IL1RAPL1: variants seen among roughly 807,000 people sequenced by gnomAD.
IL1RAPL1 encodes the protein interleukin-1 receptor accessory protein-like 1.
IL1RAPL1 carries 3 observed loss-of-function variants against 48.4 expected under a neutral mutation model. The ratio of observed to expected loss-of-function variants is 0.06; its 90% CI spans 0.03 to 0.16. IL1RAPL1 has a LOEUF of 0.16. Among genes scored for constraint, IL1RAPL1 ranks in the 10% least tolerant of loss-of-function variants. The probability of loss-of-function intolerance (pLI) is 1.00; values close to 1 mark genes in which losing one functional copy is unlikely to be tolerated. For missense variants in IL1RAPL1, 349 were observed against 530.6 expected, an observed-to-expected ratio of 0.66 and a Z score of 3.36; for synonymous variants, 185 against 187.7, an observed-to-expected ratio of 0.99 and a Z score of 0.12.
intron 2 of IL1RAPL1, among the ~76,000 whole-genome samples, chrX:29,221,942 G>A (rs1422461109): frequency 4.7e-5 from 5 of 105,601 alleles, no homozygotes; most frequent in Non-Finnish European, 7.8e-5. Context: ...CCCAGGAGGC[G>A]GAGGTTGCAG....
intron 3 of IL1RAPL1, among the ~76,000 whole-genome samples, chrX:29,354,578 C>A (rs2147655065): frequency 8.9e-6 from 1 of 112,074 alleles, no homozygotes; most frequent in Admixed American, 9.5e-5. Context: ...TGACTGGGAA[C>A]TATGTCTCAC....
intron 6 of IL1RAPL1, among the ~76,000 whole-genome samples, chrX:29,835,843 T>C (rs2060039174): frequency 9.2e-6 from 1 of 108,200 alleles, no homozygotes; most frequent in African/African-American, 3.4e-5. Context: ...TCAATTGTAA[T>C]GTCTCCTTTT....
chrX:28,715,541 T>C (rs1336924767), intron 1 of IL1RAPL1, among the ~76,000 whole-genome samples: 1 of 110,821 alleles, frequency 9.0e-6, no homozygotes, highest in Non-Finnish European at 1.9e-5. Flanking sequence ...CATCAGAAAA[T>C]ATTACAAATA....
intron 6 of IL1RAPL1, among the ~76,000 whole-genome samples, chrX:29,835,461 G>A (rs1448920384): frequency 1.8e-5 from 2 of 111,855 alleles, no homozygotes; most frequent in Admixed American, 9.5e-5. Context: ...AGATAATTGC[G>A]TGTAGTTTTC....
chrX:29,722,621 C>A (rs994454980), intron 6 of IL1RAPL1, among the ~76,000 whole-genome samples: 2 of 111,540 alleles, frequency 1.8e-5, no homozygotes, highest in Non-Finnish European at 3.8e-5. Flanking sequence ...ATTTTGACAT[C>A]TCTGTTCTTT....
chrX:29,919,833 T>G (rs1271043217), intron 7 of IL1RAPL1, 116 bp from the exon 8 acceptor site: 2 of 725,641 alleles, frequency 2.8e-6, no homozygotes, highest in African/African-American at 4.2e-5. Flanking sequence ...ATAGCCAAAT[T>G]AGAAGCACAG....
intron 2 of IL1RAPL1, among the ~76,000 whole-genome samples, chrX:28,790,165 G>C (rs1349293458): frequency 8.9e-6 from 1 of 112,042 alleles, no homozygotes; most frequent in Non-Finnish European, 1.9e-5. Flanking sequence ...CATAATTTTT[G>C]AAGTTATAGC....
intron 5 of IL1RAPL1, among the ~76,000 whole-genome samples, chrX:29,522,532 C>T (rs986319170): frequency 1.8e-5 from 2 of 111,804 alleles, no homozygotes; most frequent in Non-Finnish European, 3.8e-5. Flanking sequence ...AATTAACTCC[C>T]TGTTACAGAC....
chrX:29,246,625 C>T (rs1285557092), intron 2 of IL1RAPL1, among the ~76,000 whole-genome samples: 1 of 111,841 alleles, frequency 8.9e-6, no homozygotes. Context: ...ACCAACCCAT[C>T]AGAGAATACT....
intron 2 of IL1RAPL1, among the ~76,000 whole-genome samples, chrX:28,835,004 A>T (rs1921169270): frequency 8.9e-6 from 1 of 111,898 alleles, no homozygotes; most frequent in African/African-American, 3.2e-5. Context: ...TACCCCACAT[A>T]GAGGTCATTT....
At chrX:29,705,325 G>A (rs962964178) in intron 6 of IL1RAPL1, among the ~76,000 whole-genome samples, 3 of 111,050 alleles carry the variant, frequency 2.7e-5, no homozygotes, top group Admixed American at 9.6e-5. Context: ...AGTGATTCTC[G>A]TTCCTCAGCC....
At position 29,127,123 on chromosome X, in the gene IL1RAPL1, T is replaced by G. The variant is rs749951358; in HGVS notation, c.83-155815T>G. The stretch of plus-strand genomic sequence containing the variant: ...CAGAGCGTTTTATAACAACCTGCTG[T>G]TGGTGGTGGTGGTGGTGGTTTTGTT... On this transcript the variant is annotated intron_variant, in intron 2 of 10. Transcript: ENST00000378993. Among the ~76,000 whole-genome samples, 6 of 110,945 alleles carry G rather than the reference T, an allele frequency of 5.4e-5. No homozygotes were observed. The South Asian group carries it at 2.3e-3, about 42-fold the overall frequency.
chrX:29,006,511 T>C (rs12559049), intron 2 of IL1RAPL1, among the ~76,000 whole-genome samples: 1 of 102,531 alleles, frequency 9.8e-6, no homozygotes, highest in South Asian at 4.4e-4. Context: ...CAAAACGCCG[T>C]CTGGAAAAAA....
chrX:29,706,795 C>T (rs773632305), intron 6 of IL1RAPL1, among the ~76,000 whole-genome samples: 11 of 111,749 alleles, frequency 9.8e-5, no homozygotes, highest in Non-Finnish European at 1.5e-4. Context: ...CAAAAATCAA[C>T]TCAAGATGGA....
At chrX:29,686,801 G>A (rs761097484) in intron 6 of IL1RAPL1, among the ~76,000 whole-genome samples, 3 of 109,623 alleles carry the variant, frequency 2.7e-5, no homozygotes, top group South Asian at 3.9e-4. Context: ...CTCGTGATCC[G>A]TCCACCTCGG....
chrX:29,373,561 A>G (rs1436552378), intron 3 of IL1RAPL1, among the ~76,000 whole-genome samples: 2 of 110,993 alleles, frequency 1.8e-5, no homozygotes, highest in East Asian at 5.7e-4. Flanking sequence ...TTTGTCATAG[A>G]TGGTTCTCAG....
chrX:28,814,705 A>G (rs1035169286), intron 2 of IL1RAPL1, among the ~76,000 whole-genome samples: 8 of 110,402 alleles, frequency 7.2e-5, no homozygotes, highest in Admixed American at 6.8e-4. Context: ...TTGGGTTAAT[A>G]TGTACATGTT....
intron 5 of IL1RAPL1, among the ~76,000 whole-genome samples, chrX:29,533,066 T>C (rs1230028612): frequency 2.7e-5 from 3 of 112,259 alleles, no homozygotes; most frequent in African/African-American, 9.7e-5. Context: ...GAACTCATCT[T>C]TTAATATTTT....
At chrX:28,961,521 C>G (rs1479083274) in intron 2 of IL1RAPL1, among the ~76,000 whole-genome samples, 1 of 110,822 alleles carries the variant, frequency 9.0e-6, no homozygotes, top group Non-Finnish European at 1.9e-5. Context: ...CCTGACAGGC[C>G]CCGGTGTGTG....
Sources: allele counts gnomAD v4.1 joint callset (sites outside exome capture counted in the v4.1 genomes callset), GRCh38; gene constraint gnomAD v4.1.1; transcripts MANE v1.5; gene names NCBI Gene and HGNC (gene_info 2026-07-23, HGNC 2026-07-21).